GFM1: variants seen among roughly 807,000 people sequenced by gnomAD.
The protein encoded by GFM1 is elongation factor G, mitochondrial.
In GFM1, 62 loss-of-function variants were observed where a neutral mutation model predicts 96.2. The observed-to-expected ratio is 0.64, with a 90% CI of 0.53 to 0.80. The LOEUF (loss-of-function observed/expected upper bound fraction) is 0.80. GFM1 is among the 30% of genes least tolerant of loss of function. The pLI is 0.00. For missense variants in GFM1, 852 were observed against 916.6 expected (o/e 0.93, Z 0.91); for synonymous variants, 282 against 312.9 (o/e 0.90, Z 1.04).
At chr3:158,672,282 GA>G in intron 13 of GFM1, 1 of 1,591,084 alleles carries the variant, frequency 6.3e-7, no homozygotes, top group Non-Finnish European at 8.6e-7. Flanking sequence ...CAAAGGCTGA[GA>G]CCGCGGGTGA....
At chr3:158,647,014 G>GT in intron 4 of GFM1, 67 bp downstream of exon 4, 11 of 1,227,060 alleles carry the variant, frequency 9.0e-6, no homozygotes, top group Non-Finnish European at 1.1e-5. Context: ...ATCCAAAAGG[G>GT]TGATTAATTC....
At chr3:158,691,223 A>C (rs763561973) in intron 17 of GFM1, 31 bp downstream of exon 17, 2 of 1,604,840 alleles carry the variant, frequency 1.2e-6, no homozygotes, top group Non-Finnish European at 1.7e-6. Flanking sequence ...CCTTCAAAAG[A>C]CCACCCTACA....
chr3:158,680,788 G>A (rs1008825084), intron 13 of GFM1, among the ~76,000 whole-genome samples: 1 of 152,090 alleles, frequency 6.6e-6, no homozygotes, highest in Admixed American at 6.5e-5. Context: ...CTGTTGTTTG[G>A]CACGCTCTCG....
intron 2 of GFM1, 53 bp from the exon 3 acceptor site, chr3:158,646,112 C>T (rs1462747064): frequency 6.2e-7 from 1 of 1,610,958 alleles, no homozygotes; most frequent in Middle Eastern, 1.7e-4. Flanking sequence ...AGATTTCTTT[C>T]CTTCTTGGAA....
intron 13 of GFM1, among the ~76,000 whole-genome samples, chr3:158,675,285 C>CAAAAAA (rs1172885215): frequency 3.4e-4 from 18 of 52,636 alleles, no homozygotes; most frequent in Admixed American, 6.3e-4. Flanking sequence ...GACTCCATCT[C>CAAAAAA]AAAAAAAAAA....
intron 16 of GFM1, chr3:158,690,609 TAAG>T (rs1197527084): frequency 7.4e-6 from 3 of 405,472 alleles, no homozygotes; most frequent in Non-Finnish European, 1.3e-5. Context: ...AAAAATAAAA[TAAG>T]ATGTATATTA....
chr3:158,673,223 A>G (rs1724534455), intron 13 of GFM1, among the ~76,000 whole-genome samples: 1 of 152,218 alleles, frequency 6.6e-6, no homozygotes, highest in Non-Finnish European at 1.5e-5. Context: ...CTCCTTTACT[A>G]ATCTTAAAAT....
chr3:158,685,672 G>T (rs1725777609), intron 15 of GFM1, among the ~76,000 whole-genome samples: 1 of 152,108 alleles, frequency 6.6e-6, no homozygotes, highest in Non-Finnish European at 1.5e-5. Context: ...ATGATAGGGA[G>T]ATTTCCTTTA....
intron 15 of GFM1, chr3:158,685,271 C>G (rs1725746410): frequency 6.6e-6 from 1 of 152,396 alleles, no homozygotes; most frequent in Non-Finnish European, 1.5e-5. Context: ...AGAAAAAAAA[C>G]TAGTGACAAT....
Position 158,652,003 on chromosome 3 carries a change from A to G in GFM1, c.690-93A>G, listed in dbSNP as rs567363063. 60 of 1,122,868 alleles carry G rather than the reference A, an allele frequency of 5.3e-5. 1 individual carries two copies. The highest frequency in any genetic ancestry group is 7.8e-5 in the Non-Finnish European group (59 of 754,402). 69.6% of individuals were successfully genotyped at this position (1,122,868 alleles called of 1,614,324 possible). Reference sequence around the variant, plus strand: ...TGTATCAGAGCTCTTTGTTACCTAAAAAAATATTTTAACCATTAATCATAT... The same window carrying G: ...TGTATCAGAGCTCTTTGTTACCTAAGAAAATATTTTAACCATTAATCATAT... On this transcript the variant is annotated intron_variant, in intron 5 of 17. Transcript: ENST00000486715.
intron 13 of GFM1, chr3:158,672,557 G>T: frequency 6.4e-7 from 1 of 1,570,282 alleles, no homozygotes. Context: ...CGTCCTGCTT[G>T]CTGCTGGGTC....
chr3:158,662,399 T>G (rs1723263875), intron 10 of GFM1, among the ~76,000 whole-genome samples: 1 of 152,230 alleles, frequency 6.6e-6, no homozygotes, highest in African/African-American at 2.4e-5. Context: ...AATTTTATTT[T>G]GGGAAGGAGG....
At position 158,660,960 on chromosome 3, in the gene GFM1, C is replaced by T. The variant is rs1187874654; in HGVS notation, c.1308C>T (p.Asn436=). 3 of 1,613,476 alleles carry T rather than the reference C, an allele frequency of 1.9e-6. No individual in the cohort carries two copies. The highest frequency in any genetic ancestry group is 2.5e-6 in the Non-Finnish European group (3 of 1,179,408). The part of the protein sequence containing the change: ...ASGDTFTDKA[N]SGLSMESIHV... ...GAGACACATTCACAGACAAAGCCAA[C>T]AGCGGCCTTTCTATGGTAAGCCATT... Residue 436 remains asparagine (N), a synonymous_variant, in exon 10 of 18, where the codon AAC becomes AAT. Coordinates refer to ENST00000486715, the MANE Select transcript of GFM1 (RefSeq NM_024996.7).
chr3:158,646,707 G>C, intron 3 of GFM1, 36 bp from the exon 4 acceptor site: 3 of 1,549,744 alleles, frequency 1.9e-6, no homozygotes, highest in Non-Finnish European at 2.7e-6. Context: ...AATTCAGATT[G>C]CTCTTTAAGA....
intron 10 of GFM1, among the ~76,000 whole-genome samples, chr3:158,662,237 T>C (rs2108043363): frequency 6.6e-6 from 1 of 152,210 alleles, no homozygotes; most frequent in East Asian, 1.9e-4. Context: ...TGGTGCCCTT[T>C]CTCTGTTTGC....
At chr3:158,690,830 C>T (rs1726250398) in intron 16 of GFM1, among the ~76,000 whole-genome samples, 1 of 152,188 alleles carries the variant, frequency 6.6e-6, no homozygotes, top group African/African-American at 2.4e-5. Flanking sequence ...TCAGAAGAAG[C>T]ACTTCTGAGT....
At chr3:158,675,559 T>A (rs145143879) in intron 13 of GFM1, among the ~76,000 whole-genome samples, 57 of 152,180 alleles carry the variant, frequency 3.7e-4, no homozygotes, top group African/African-American at 1.3e-3. Context: ...CTTTCTAAAT[T>A]TTATATATTG....
At chr3:158,669,839 A>G (rs914494082) in intron 13 of GFM1, among the ~76,000 whole-genome samples, 1 of 152,158 alleles carries the variant, frequency 6.6e-6, no homozygotes, top group African/African-American at 2.4e-5. Flanking sequence ...TGGTGTCATA[A>G]TCTTATGAAT....
At chr3:158,654,520 A>G in intron 7 of GFM1, 27 bp from the exon 8 acceptor site, 1 of 1,306,850 alleles carries the variant, frequency 7.7e-7, no homozygotes, top group Non-Finnish European at 1.1e-6. Flanking sequence ...ATTACATCTC[A>G]TAGATTTATA....
Sources: allele counts gnomAD v4.1 joint callset (sites outside exome capture counted in the v4.1 genomes callset), GRCh38; gene constraint gnomAD v4.1.1; transcripts MANE v1.5; gene names NCBI Gene and HGNC (gene_info 2026-07-23, HGNC 2026-07-21).